The following FBXL7 variants were observed in gnomAD, a reference collection of about 807,000 sequenced individuals.
FBXL7 encodes the protein F-box/LRR-repeat protein 7.
FBXL7 carries 12 observed loss-of-function variants against 38.3 expected under a neutral mutation model. The observed-to-expected ratio is 0.31, with a 90% confidence interval of 0.20 to 0.51. The LOEUF (loss-of-function observed/expected upper bound fraction) is 0.51, where lower values mean the gene tolerates loss of function less well. FBXL7 is among the 20% of genes least tolerant of loss of function. The pLI is 0.98. For synonymous variants in FBXL7, 297 were observed against 300.9 expected, an observed-to-expected ratio of 0.99 and a Z score of 0.13; for missense variants, 567 against 676.4, an observed-to-expected ratio of 0.84 and a Z score of 1.79.
chr5:15,622,506 A>G (rs1018821049), intron 2 of FBXL7, among the ~76,000 whole-genome samples: 22 of 152,076 alleles, frequency 1.4e-4, no homozygotes, highest in African/African-American at 4.8e-4. Flanking sequence ...TCATTGTTCA[A>G]TTCCCACCTA....
At chr5:15,917,644 G>GGAAAGGAAGGAA (rs1554034053) in intron 2 of FBXL7, among the ~76,000 whole-genome samples, 7 of 90,944 alleles carry the variant, frequency 7.7e-5, no homozygotes, top group Admixed American at 7.0e-4. Context: ...AAGGAAGGGA[G>GGAAAGGAAGGAA]GGAAGGAAGG....
intron 2 of FBXL7, among the ~76,000 whole-genome samples, chr5:15,710,659 T>C (rs1289797524): frequency 6.6e-6 from 1 of 152,206 alleles, no homozygotes; most frequent in Non-Finnish European, 1.5e-5. Flanking sequence ...CCTAGAATGG[T>C]ACCTGGCCCA....
intron 2 of FBXL7, among the ~76,000 whole-genome samples, chr5:15,696,128 TCTTC>T (rs1743323643): frequency 6.6e-6 from 1 of 152,218 alleles, no homozygotes; most frequent in African/African-American, 2.4e-5. Flanking sequence ...GGCCGAAAGC[TCTTC>T]CTTTCTGGGA....
intron 2 of FBXL7, among the ~76,000 whole-genome samples, chr5:15,880,028 C>A (rs904163063): frequency 6.6e-6 from 1 of 151,950 alleles, no homozygotes; most frequent in African/African-American, 2.4e-5. Flanking sequence ...ATCTGAAAAC[C>A]AGAGAGACTC....
At chr5:15,509,056 A>G (rs1340368624) in intron 1 of FBXL7, among the ~76,000 whole-genome samples, 2 of 152,226 alleles carry the variant, frequency 1.3e-5, no homozygotes, top group Non-Finnish European at 2.9e-5. Context: ...ACTTGAATAA[A>G]TCTTTTCACT....
chr5:15,544,158 C>T (rs1233598648), intron 1 of FBXL7, among the ~76,000 whole-genome samples: 1 of 152,180 alleles, frequency 6.6e-6, no homozygotes, highest in Admixed American at 6.5e-5. Context: ...AGGAGCAGTG[C>T]CTCTGCTGCT....
chr5:15,556,264 G>A (rs1738237092), intron 1 of FBXL7, among the ~76,000 whole-genome samples: 1 of 152,052 alleles, frequency 6.6e-6, no homozygotes, highest in Admixed American at 6.6e-5. Context: ...AGAACCAGGA[G>A]TCCTAATGGT....
At chr5:15,917,179 T>C (rs1269727577) in intron 2 of FBXL7, among the ~76,000 whole-genome samples, 1 of 152,214 alleles carries the variant, frequency 6.6e-6, no homozygotes, top group African/African-American at 2.4e-5. Context: ...GACATTGACA[T>C]TCTGCTCTCA....
chr5:15,895,251 A>C (rs1741058416), intron 2 of FBXL7, among the ~76,000 whole-genome samples: 1 of 152,106 alleles, frequency 6.6e-6, no homozygotes, highest in Non-Finnish European at 1.5e-5. Flanking sequence ...GATTATAGAT[A>C]ATCATTTTTC....
At chr5:15,777,672 C>T (rs1284926130) in intron 2 of FBXL7, among the ~76,000 whole-genome samples, 1 of 144,034 alleles carries the variant, frequency 6.9e-6, no homozygotes, top group Non-Finnish European at 1.5e-5. Flanking sequence ...ACAAGAATTT[C>T]CCTTTTAAGG....
chr5:15,641,076 AGAGT>A (rs1234841503), intron 2 of FBXL7, among the ~76,000 whole-genome samples: 1 of 152,218 alleles, frequency 6.6e-6, no homozygotes, highest in Non-Finnish European at 1.5e-5. Context: ...ATACACCCCC[AGAGT>A]GAAGACAATC....
chr5:15,612,492 C>T lies in FBXL7; in HGVS notation c.38-3491C>T, dbSNP rs995223121. ...TGAGGGATCAGCACACATGTCCTCA[C>T]GTGTGTCTGAGAAGTTTCTCTGAAA... On this transcript the variant is annotated intron_variant, in intron 1 of 3. Coordinates refer to ENST00000504595, the MANE Select transcript of FBXL7 (RefSeq NM_012304.5). Among the ~76,000 whole-genome samples the T allele has an allele frequency of 5.3e-5, 8 of 152,080 alleles. 1 individual carries two copies. Among genetic ancestry groups the T allele is most frequent in the South Asian group, 2.1e-4 (1 of 4,820 alleles).
intron 2 of FBXL7, 103 bp from the exon 3 acceptor site, chr5:15,927,787 A>G: frequency 2.7e-6 from 2 of 751,934 alleles, no homozygotes; most frequent in Non-Finnish European, 3.6e-6. Flanking sequence ...AAAAAAAAAA[A>G]GAAGAAGAAA....
chr5:15,761,606 C>T (rs184959827), intron 2 of FBXL7, among the ~76,000 whole-genome samples: 28 of 152,292 alleles, frequency 1.8e-4, no homozygotes, highest in South Asian at 1.2e-3. Context: ...TGCTATAGCA[C>T]GATCTCTGCT....
At chr5:15,536,396 A>G (rs1386125187) in intron 1 of FBXL7, among the ~76,000 whole-genome samples, 6 of 152,236 alleles carry the variant, frequency 3.9e-5, no homozygotes, top group Admixed American at 3.9e-4. Flanking sequence ...ATGCCAGCCC[A>G]TGAAAGCTTC....
At chr5:15,664,789 C>T (rs914207716) in intron 2 of FBXL7, among the ~76,000 whole-genome samples, 3 of 151,898 alleles carry the variant, frequency 2.0e-5, no homozygotes, top group South Asian at 2.1e-4. Flanking sequence ...CTTCAAGCGT[C>T]CTAACTCCTT....
At chr5:15,768,668 G>T (rs1372217847) in intron 2 of FBXL7, among the ~76,000 whole-genome samples, 1 of 152,200 alleles carries the variant, frequency 6.6e-6, no homozygotes, top group Non-Finnish European at 1.5e-5. Context: ...CTTCTTCTGG[G>T]ATGGGGCTGG....
chr5:15,689,773 T>C lies in FBXL7; in HGVS notation c.127+73701T>C, dbSNP rs1041737646. Among the ~76,000 whole-genome samples, 8 of 152,310 alleles carry C rather than the reference T, an allele frequency of 5.3e-5. 1 individual carries two copies. Among genetic ancestry groups the C allele is most frequent in the African/African-American group, 1.4e-4 (6 of 41,572 alleles). ...TTTAAAATTTTGCAGATGAGGAAAC[T>C]GTCTAAAAGAACTTAAATGGCTGTC... On this transcript the variant is annotated intron_variant, in intron 2 of 3. Coordinates refer to ENST00000504595, the MANE Select transcript of FBXL7 (RefSeq NM_012304.5).
chr5:15,560,798 T>C (rs543609698), intron 1 of FBXL7, among the ~76,000 whole-genome samples: 14 of 152,296 alleles, frequency 9.2e-5, no homozygotes, highest in African/African-American at 2.2e-4. Context: ...GTCTCCATCA[T>C]GATTTTGTTG....
Sources: gnomAD v4.1 joint callset for allele counts (sites outside exome capture counted in the v4.1 genomes callset) on GRCh38, gnomAD v4.1.1 for gene constraint, MANE v1.5 for transcripts, NCBI Gene and HGNC (gene_info 2026-07-23, HGNC 2026-07-21) for gene names.